Variants in TMEM229B observed in about 807,000 individuals in gnomAD.
TMEM229B encodes the protein chromosome 14 open reading frame 83.
In TMEM229B, 6 loss-of-function variants were observed where a neutral mutation model predicts 13.7. The ratio of observed to expected loss-of-function variants is 0.44; its 90% CI spans 0.24 to 0.86. The LOEUF (loss-of-function observed/expected upper bound fraction) is 0.86, where lower values mean the gene tolerates loss of function less well. Ranked by LOEUF, TMEM229B falls within the 40% of genes least tolerant of loss-of-function variation. The pLI is 0.23. For synonymous variants in TMEM229B, 107 were observed against 102.1 expected, an observed-to-expected ratio of 1.05 and a Z score of -0.29; for missense variants, 170 against 236.0, an observed-to-expected ratio of 0.72 and a Z score of 1.83.
chr14:67,501,044 TTAATAATAA>T (rs71129826), intron 1 of TMEM229B, among the ~76,000 whole-genome samples: 1,821 of 137,366 alleles, frequency 0.013, 17 homozygotes, highest in Non-Finnish European at 0.021. Flanking sequence ...TACTTGGGGG[TTAATAATAA>T]TAATAATAAT....
chr14:67,476,447 T>C (rs1372765361), intron 2 of TMEM229B, among the ~76,000 whole-genome samples: 5 of 151,804 alleles, frequency 3.3e-5, no homozygotes, highest in African/African-American at 9.7e-5. Context: ...ATTAGCTGGG[T>C]GTGGTGGCAT....
chr14:67,528,432 CT>C (rs1377166725), intron 1 of TMEM229B, among the ~76,000 whole-genome samples: 1 of 152,180 alleles, frequency 6.6e-6, no homozygotes, highest in African/African-American at 2.4e-5. Flanking sequence ...AACCTGCCAC[CT>C]ACTTAAAGCT....
chr14:67,491,961 G>C (rs1214863243), upstream of TMEM229B, among the ~76,000 whole-genome samples: 1 of 152,198 alleles, frequency 6.6e-6, no homozygotes, highest in African/African-American at 2.4e-5. Flanking sequence ...ACGGGGCCCT[G>C]TCCTTCCCCT....
intron 1 of TMEM229B, among the ~76,000 whole-genome samples, chr14:67,524,857 C>A (rs550224484): frequency 6.6e-6 from 1 of 152,170 alleles, no homozygotes. Flanking sequence ...CCAACTCCCC[C>A]AGGTCCCCAT....
exon 1 of TMEM229B, chr14:67,515,352 G>A (rs1228864381): frequency 1.2e-5 from 2 of 162,736 alleles, no homozygotes; most frequent in African/African-American, 4.8e-5. Context: ...CGTCCGCCGC[G>A]GCGGCGCGGG....
chr14:67,494,026 T>C (rs2032269143), intron 1 of TMEM229B, among the ~76,000 whole-genome samples: 1 of 152,054 alleles, frequency 6.6e-6, no homozygotes, highest in African/African-American at 2.4e-5. Context: ...AAGACCACCA[T>C]GCACTCAGCT....
At chr14:67,478,221 G>T (rs548822126) in intron 2 of TMEM229B, among the ~76,000 whole-genome samples, 1 of 152,338 alleles carries the variant, frequency 6.6e-6, no homozygotes, top group East Asian at 1.9e-4. Context: ...CATGGCAAGG[G>T]CAGAGGCACA....
intron 2 of TMEM229B, among the ~76,000 whole-genome samples, chr14:67,478,626 G>A (rs1185436279): frequency 6.6e-6 from 1 of 152,216 alleles, no homozygotes; most frequent in Non-Finnish European, 1.5e-5. Flanking sequence ...CCTGGGGACG[G>A]CTGGCAAAGC....
intron 1 of TMEM229B, among the ~76,000 whole-genome samples, chr14:67,532,132 G>C (rs2033479438): frequency 6.6e-6 from 1 of 152,214 alleles, no homozygotes; most frequent in South Asian, 2.1e-4. Context: ...AAATTCTCAC[G>C]TTTGGCCTCC....
intron 1 of TMEM229B, among the ~76,000 whole-genome samples, chr14:67,530,990 C>A (rs1359655853): frequency 6.6e-6 from 1 of 152,210 alleles, no homozygotes. Context: ...AGTCCCCATC[C>A]CGGCCTCATC....
intron 1 of TMEM229B, among the ~76,000 whole-genome samples, chr14:67,506,938 C>G (rs953770539): frequency 6.6e-6 from 1 of 152,022 alleles, no homozygotes; most frequent in Non-Finnish European, 1.5e-5. Context: ...GAGCTGAGAT[C>G]GTGCCACTGC....
At chr14:67,501,266 G>A (rs1475100495) in intron 1 of TMEM229B, among the ~76,000 whole-genome samples, 1 of 152,046 alleles carries the variant, frequency 6.6e-6, no homozygotes, top group Non-Finnish European at 1.5e-5. Flanking sequence ...TGTCTCACAG[G>A]CTAGAACTAG....
intron 2 of TMEM229B, among the ~76,000 whole-genome samples, chr14:67,475,063 A>C (rs914386381): frequency 2.0e-5 from 3 of 151,760 alleles, no homozygotes; most frequent in Non-Finnish European, 4.4e-5. Flanking sequence ...CTACAGGCAC[A>C]CACCATCATG....
chr14:67,514,518 A>C (rs2033134127), intron 1 of TMEM229B, among the ~76,000 whole-genome samples: 1 of 151,992 alleles, frequency 6.6e-6, no homozygotes, highest in African/African-American at 2.4e-5. Context: ...TGTGGGGTCC[A>C]TCACCCAGTT....
At chr14:67,492,296 C>A (rs1289591463), upstream of TMEM229B, among the ~76,000 whole-genome samples, 3 of 152,210 alleles carry the variant, frequency 2.0e-5, no homozygotes, top group African/African-American at 7.2e-5. Context: ...TGCCTGGCCG[C>A]CGTCCCAGAG....
intron 2 of TMEM229B, among the ~76,000 whole-genome samples, chr14:67,484,187 CTG>C (rs1566679052): frequency 6.6e-6 from 1 of 152,206 alleles, no homozygotes; most frequent in Non-Finnish European, 1.5e-5. Context: ...TATTTATGGT[CTG>C]TCTCTCCTCA....
intron 2 of TMEM229B, among the ~76,000 whole-genome samples, chr14:67,481,476 A>G (rs1448476358): frequency 2.6e-5 from 4 of 152,192 alleles, no homozygotes; most frequent in African/African-American, 9.7e-5. Context: ...TGCAAGACCA[A>G]CAGGGGAAAT....
intron 2 of TMEM229B, among the ~76,000 whole-genome samples, chr14:67,478,720 G>T (rs545417905): frequency 1.3e-5 from 2 of 152,050 alleles, no homozygotes; most frequent in Non-Finnish European, 2.9e-5. Context: ...ACCCAGGGCC[G>T]GTGAACCCTC....
At chr14:67,489,119 CAT>C (rs1329224865), upstream of TMEM229B, among the ~76,000 whole-genome samples, 7 of 152,312 alleles carry the variant, frequency 4.6e-5, no homozygotes, top group Non-Finnish European at 1.0e-4. Flanking sequence ...TAGCAACTAA[CAT>C]ATGGATGGAA....
Sources: allele counts gnomAD v4.1 joint callset (sites outside exome capture counted in the v4.1 genomes callset), GRCh38; gene constraint gnomAD v4.1.1; transcripts MANE v1.5; gene names NCBI Gene and HGNC (gene_info 2026-07-23, HGNC 2026-07-21).